SNTG1: variants seen among roughly 807,000 people sequenced by gnomAD.
SNTG1 encodes syntrophin gamma 1.
In SNTG1, 39 loss-of-function variants were observed where a neutral mutation model predicts 74.7. That is an observed-to-expected ratio of 0.52 (90% confidence interval 0.40 to 0.68). The LOEUF (loss-of-function observed/expected upper bound fraction) is 0.68. Among genes scored for constraint, SNTG1 ranks in the 30% least tolerant of loss-of-function variants. The pLI, the probability that SNTG1 is intolerant of heterozygous loss-of-function variation, is 0.00. For synonymous variants in SNTG1, 254 were observed against 217.1 expected (o/e 1.17, Z -1.49); for missense variants, 685 against 609.5 (o/e 1.12, Z -1.30).
intron 1 of SNTG1, among the ~76,000 whole-genome samples, chr8:50,032,993 T>C (rs778820673): frequency 6.6e-6 from 1 of 152,150 alleles, no homozygotes; most frequent in Non-Finnish European, 1.5e-5. Context: ...TTATTGGACC[T>C]CATTTTCCTC....
rs1807135751 is a variant in SNTG1, at chr8:49,927,525, G to A, written c.-103+15294G>A. On this transcript the variant is annotated intron_variant, in intron 1 of 18. Transcript: ENST00000642720. ...GTTGAGAATATATTTTAAATATTAA[G>A]TTACTTAAATATTATGGTACTAAGT... is the stretch of plus-strand genomic sequence containing the variant. Among the ~76,000 whole-genome samples the A allele has an allele frequency of 2.6e-5, 4 of 152,104 alleles. No homozygotes were observed. The South Asian group carries it at 8.3e-4, about 31-fold the overall frequency.
chr8:50,250,976 T>A (rs538704613), intron 2 of SNTG1, among the ~76,000 whole-genome samples: 15 of 124,586 alleles, frequency 1.2e-4, no homozygotes, highest in Admixed American at 5.8e-4. Context: ...AATATTACAG[T>A]ATGTAGGTTT....
intron 15 of SNTG1, 144 bp downstream of exon 15, chr8:50,658,807 A>C: frequency 1.7e-6 from 1 of 584,536 alleles, no homozygotes; most frequent in Non-Finnish European, 3.0e-6. Context: ...AAGAAAATAA[A>C]CTGGACAAAA....
intron 11 of SNTG1, among the ~76,000 whole-genome samples, chr8:50,546,674 T>C (rs2094390622): frequency 6.6e-6 from 1 of 152,040 alleles, no homozygotes; most frequent in Non-Finnish European, 1.5e-5. Flanking sequence ...AGAATGATGG[T>C]TTCCATCTTC....
chr8:50,246,327 C>A (rs1352323632), intron 2 of SNTG1, among the ~76,000 whole-genome samples: 2 of 151,742 alleles, frequency 1.3e-5, no homozygotes, highest in Non-Finnish European at 2.9e-5. Context: ...TAAAAGACAA[C>A]AATAAAAATA....
intron 18 of SNTG1, among the ~76,000 whole-genome samples, chr8:50,787,985 T>C (rs1160470872): frequency 6.6e-6 from 1 of 152,042 alleles, no homozygotes; most frequent in Non-Finnish European, 1.5e-5. Flanking sequence ...GTGAGTATTA[T>C]AGTATGTGAA....
intron 17 of SNTG1, among the ~76,000 whole-genome samples, chr8:50,741,202 G>A (rs985750978): frequency 2.6e-5 from 4 of 151,914 alleles, no homozygotes; most frequent in South Asian, 4.2e-4. Context: ...TCAGTTCATC[G>A]CAACACTCAC....
At chr8:50,136,297 T>C (rs1179582762) in intron 1 of SNTG1, among the ~76,000 whole-genome samples, 1 of 152,110 alleles carries the variant, frequency 6.6e-6, no homozygotes, top group African/African-American at 2.4e-5. Flanking sequence ...GGCCAAATGG[T>C]AGTTCTGCTT....
At chr8:50,060,293 A>T (rs1820362606) in intron 1 of SNTG1, among the ~76,000 whole-genome samples, 1 of 151,868 alleles carries the variant, frequency 6.6e-6, no homozygotes, top group African/African-American at 2.4e-5. Flanking sequence ...TCAGATTTGC[A>T]TTTTTTTCTC....
At position 50,795,152 on chromosome 8, in the gene SNTG1, C is replaced by T. The variant is rs940603901; in HGVS notation, c.*2323C>T. 3 of 151,842 alleles carry T rather than the reference C, an allele frequency of 2.0e-5. No homozygotes were observed. The highest frequency in any genetic ancestry group is 7.2e-5 in the African/African-American group (3 of 41,456). 9.4% of individuals were successfully genotyped at this position (151,842 alleles called of 1,614,324 possible). On this transcript the variant is annotated 3_prime_UTR_variant, in exon 19 of 19. Transcript: ENST00000642720. Reference sequence around the variant, plus strand: ...CATACATTTAATATACTTTAAATTACGTTGTAAAATGTAGCTTGATTAAAA... The same window carrying T: ...CATACATTTAATATACTTTAAATTATGTTGTAAAATGTAGCTTGATTAAAA...
rs184292692 is a variant in SNTG1, at chr8:50,435,749, G to A, written c.163-2794G>A. 7.9e-5 allele frequency among the ~76,000 whole-genome samples: 12 copies of A among 152,306 alleles called. No individual in the cohort carries two copies. The East Asian group carries it at 2.3e-3, about 29-fold the overall frequency. Reference sequence around the variant, plus strand: ...ACACTGGCTATAATTTGCATGTTGTGTGTGTGCCCAGGTGTTTAATAAAAC... The same window carrying A: ...ACACTGGCTATAATTTGCATGTTGTATGTGTGCCCAGGTGTTTAATAAAAC... On this transcript the variant is annotated intron_variant, in intron 4 of 18. Transcript: ENST00000642720.
In SNTG1 at chr8:49,939,163, G is replaced by T. The variant is rs16914067; in HGVS notation, c.-103+26932G>T. Among the ~76,000 whole-genome samples, 819 of 151,950 alleles carry T rather than the reference G, an allele frequency of 5.4e-3. 11 individuals are homozygous for T. The highest frequency in any genetic ancestry group is 0.019 in the African/African-American group (776 of 41,504). ...ATTTATACTTACTCTTTCCACTAGC[G>T]TGTTAAAATTTCTGTTCTCTAACAT... is the stretch of plus-strand genomic sequence containing the variant. On this transcript the variant is annotated intron_variant, in intron 1 of 18. Transcript: ENST00000642720.
At chr8:50,467,213 G>A (rs906071448) in intron 8 of SNTG1, among the ~76,000 whole-genome samples, 4 of 151,870 alleles carry the variant, frequency 2.6e-5, no homozygotes, top group African/African-American at 9.7e-5. Context: ...CTCTCCTTCT[G>A]TGTTCTAGAC....
At chr8:49,934,792 C>A (rs1807909235) in intron 1 of SNTG1, among the ~76,000 whole-genome samples, 1 of 152,052 alleles carries the variant, frequency 6.6e-6, no homozygotes, top group African/African-American at 2.4e-5. Flanking sequence ...GGTTTAAAAT[C>A]TAATCTCCAT....
intron 4 of SNTG1, among the ~76,000 whole-genome samples, chr8:50,422,222 T>C (rs1010705681): frequency 6.0e-5 from 9 of 150,558 alleles, no homozygotes; most frequent in African/African-American, 1.7e-4. Flanking sequence ...GGTAAAATAT[T>C]TGAATTTCCT....
At chr8:50,774,197 A>G (rs6996600) in intron 18 of SNTG1, among the ~76,000 whole-genome samples, 5,549 of 152,016 alleles carry the variant, frequency 0.037, 274 homozygotes, top group African/African-American at 0.1. Flanking sequence ...GGACATGGAT[A>G]GAAACAATAT....
intron 1 of SNTG1, among the ~76,000 whole-genome samples, chr8:50,065,704 T>C (rs1820843379): frequency 6.6e-6 from 1 of 152,188 alleles, no homozygotes; most frequent in Non-Finnish European, 1.5e-5. Context: ...ACTCTGGTAG[T>C]TTAATAAAAA....
rs960186030 is a variant in SNTG1 at position 50,377,577 on chromosome 8, C to CT, written c.-27-16628dup. ...AGTGAAGAATCAATGGTTGAAAAGACTTTTTTTATAGCATATTATCAAATT... is the reference window on the plus strand; with the variant it reads ...AGTGAAGAATCAATGGTTGAAAAGACTTTTTTTTATAGCATATTATCAAATT... On this transcript the variant is annotated intron_variant, in intron 2 of 18. Transcript: ENST00000642720. Among the ~76,000 whole-genome samples, 14 of 151,904 alleles carry CT rather than the reference C, an allele frequency of 9.2e-5. 1 individual carries two copies. The highest frequency in any genetic ancestry group is 2.6e-4 in the Admixed American group (4 of 15,238).
intron 1 of SNTG1, among the ~76,000 whole-genome samples, chr8:49,936,839 C>T (rs770135760): frequency 3.3e-5 from 5 of 152,112 alleles, no homozygotes; most frequent in Non-Finnish European, 5.9e-5. Flanking sequence ...CATGCATCAA[C>T]CTAGATGAAC....
Sources: gnomAD v4.1 joint callset for allele counts (sites outside exome capture counted in the v4.1 genomes callset) on GRCh38, gnomAD v4.1.1 for gene constraint, MANE v1.5 for transcripts, NCBI Gene and HGNC (gene_info 2026-07-23, HGNC 2026-07-21) for gene names.